Variants in MCTP1 observed in about 807,000 individuals in gnomAD.
MCTP1 encodes the protein multiple C2 and transmembrane domain-containing protein 1.
In MCTP1, 69 loss-of-function variants were observed where a neutral mutation model predicts 120.6. The ratio of observed to expected loss-of-function variants is 0.57; its 90% CI spans 0.47 to 0.70. The LOEUF (loss-of-function observed/expected upper bound fraction) is 0.70. Among genes scored for constraint, MCTP1 ranks in the 30% least tolerant of loss-of-function variants. The pLI, the probability that MCTP1 is intolerant of heterozygous loss-of-function variation, is 0.00. For synonymous variants in MCTP1, 529 were observed against 493.1 expected (o/e 1.07, Z -0.96); for missense variants, 1,203 against 1,248.8 (o/e 0.96, Z 0.55).
chr5:95,185,223 C>T (rs1749073962), intron 1 of MCTP1, among the ~76,000 whole-genome samples: 1 of 149,464 alleles, frequency 6.7e-6, no homozygotes, highest in Admixed American at 6.8e-5. Flanking sequence ...GATACCAAAA[C>T]CTAACAAAGA....
intron 1 of MCTP1, among the ~76,000 whole-genome samples, chr5:95,020,505 T>G (rs1392666399): frequency 6.6e-6 from 1 of 152,082 alleles, no homozygotes; most frequent in Non-Finnish European, 1.5e-5. Context: ...TAGAACAGTT[T>G]CTCTACCAAA....
rs146931097 is a variant in MCTP1, at chr5:94,960,520, A to G, written c.839-7159T>C. On this transcript the variant is annotated intron_variant, in intron 2 of 22. Transcript: ENST00000515393. ...GGGAGAAAATTTTTGCAATCTATCC[A>G]TCTGACAAAGGGCTAATATCCAGAA... Among the ~76,000 whole-genome samples the G allele has an allele frequency of 2.3e-3, 344 of 152,298 alleles. 1 individual carries two copies. Among genetic ancestry groups the G allele is most frequent in the African/African-American group, 7.5e-3 (311 of 41,572 alleles).
At chr5:95,251,112 A>G (rs1324877618) in intron 1 of MCTP1, among the ~76,000 whole-genome samples, 1 of 152,182 alleles carries the variant, frequency 6.6e-6, no homozygotes, top group Non-Finnish European at 1.5e-5. Context: ...GACAAGTGCT[A>G]TAAAACAGCA....
intron 17 of MCTP1, chr5:94,826,352 G>A (rs1787059222): frequency 1.8e-6 from 1 of 565,042 alleles, no homozygotes; most frequent in Non-Finnish European, 3.3e-6. Context: ...CTGAGGATTT[G>A]ATGAAGGCAA....
chr5:95,048,709 T>G (rs1181658599), intron 1 of MCTP1, among the ~76,000 whole-genome samples: 1 of 152,202 alleles, frequency 6.6e-6, no homozygotes, highest in African/African-American at 2.4e-5. Flanking sequence ...GACTCGATTC[T>G]GAGTTTCCTT....
At chr5:95,004,438 G>C (rs545642931) in intron 2 of MCTP1, among the ~76,000 whole-genome samples, 13 of 152,166 alleles carry the variant, frequency 8.5e-5, no homozygotes, top group Non-Finnish European at 1.5e-4. Context: ...TGCTGACAAT[G>C]GAAGAAAATA....
chr5:94,754,751 AC>A (rs1769354482), intron 19 of MCTP1, among the ~76,000 whole-genome samples: 1 of 152,188 alleles, frequency 6.6e-6, no homozygotes, highest in African/African-American at 2.4e-5. Flanking sequence ...GTAAAGGTCC[AC>A]AGTAACACAA....
In MCTP1 at chr5:94,888,918, C is replaced by T. The variant is rs373252773; in HGVS notation, c.1894G>A (p.Val632Ile). 6.2e-7 allele frequency: 1 copy of T among 1,613,894 alleles called. No homozygotes were observed. The highest frequency in any genetic ancestry group is 1.3e-5 in the African/African-American group (1 of 74,908). The change falls in exon 12 of 23, where the codon GTC becomes ATC. Residue 632 changes from valine to isoleucine, a missense_variant. Physicochemically the swap from Val to Ile is conservative, Grantham distance 29. Transcript: ENST00000515393. Reference sequence around the variant, plus strand: ...GCCATTAACCCTTCCGCTCTGATGACTTTCACCTGGAGAAATCCCACATCT... The same window carrying T: ...GCCATTAACCCTTCCGCTCTGATGATTTTCACCTGGAGAAATCCCACATCT... ...LKDVGFLQVK[V>I]IRAEGLMAAD... is the part of the protein sequence containing the mutation.
intron 1 of MCTP1, among the ~76,000 whole-genome samples, chr5:95,103,486 G>A (rs1220764772): frequency 2.6e-5 from 4 of 152,170 alleles, no homozygotes; most frequent in African/African-American, 4.8e-5. Flanking sequence ...GAAAATAGCA[G>A]AGCCACATCA....
intron 6 of MCTP1, among the ~76,000 whole-genome samples, chr5:94,927,636 T>G (rs1337843862): frequency 6.6e-6 from 1 of 152,200 alleles, no homozygotes; most frequent in African/African-American, 2.4e-5. Flanking sequence ...TAATGACTTT[T>G]TTTCATCATG....
chr5:95,264,970 A>G (rs908356948), intron 1 of MCTP1, among the ~76,000 whole-genome samples: 10 of 152,140 alleles, frequency 6.6e-5, no homozygotes, highest in Non-Finnish European at 1.2e-4. Flanking sequence ...GGTGTGACCA[A>G]TACACTCTCC....
chr5:95,263,072 T>C (rs896713188), intron 1 of MCTP1, among the ~76,000 whole-genome samples: 3 of 152,210 alleles, frequency 2.0e-5, no homozygotes, highest in Admixed American at 6.5e-5. Flanking sequence ...ACATTATCTA[T>C]GCAGTGCAAG....
intron 8 of MCTP1, among the ~76,000 whole-genome samples, 179 bp from the exon 9 acceptor site, chr5:94,913,155 TATC>T (rs1809207582): frequency 6.6e-6 from 1 of 152,020 alleles, no homozygotes; most frequent in Non-Finnish European, 1.5e-5. Context: ...ATTATGAAAT[TATC>T]ATTTCATGAT....
At chr5:95,198,770 T>C (rs1325765188) in intron 1 of MCTP1, among the ~76,000 whole-genome samples, 1 of 152,136 alleles carries the variant, frequency 6.6e-6, no homozygotes, top group Non-Finnish European at 1.5e-5. Flanking sequence ...AAAATGGGTG[T>C]TTAATAACTA....
chr5:94,966,122 C>T (rs1187346643), intron 2 of MCTP1, among the ~76,000 whole-genome samples: 2 of 152,144 alleles, frequency 1.3e-5, no homozygotes, highest in African/African-American at 4.8e-5. Flanking sequence ...ATCTACATTG[C>T]AGGTGAGGAA....
intron 1 of MCTP1, among the ~76,000 whole-genome samples, chr5:95,146,904 G>A (rs1760440444): frequency 6.6e-6 from 1 of 152,078 alleles, no homozygotes; most frequent in Non-Finnish European, 1.5e-5. Context: ...AGTTGGTCAA[G>A]TGTAGAGTTT....
At chr5:94,828,628 G>A (rs1175208504) in intron 17 of MCTP1, among the ~76,000 whole-genome samples, 1 of 152,224 alleles carries the variant, frequency 6.6e-6, no homozygotes, top group Non-Finnish European at 1.5e-5. Flanking sequence ...TAGGGCTGGT[G>A]CCTTTCTTTC....
chr5:95,067,926 A>T (rs1751101003), intron 1 of MCTP1, among the ~76,000 whole-genome samples: 1 of 152,174 alleles, frequency 6.6e-6, no homozygotes, highest in African/African-American at 2.4e-5. Context: ...CTTTTCATCA[A>T]CATCGACCCT....
At chr5:95,248,569 A>G (rs776521598) in intron 1 of MCTP1, among the ~76,000 whole-genome samples, 8 of 152,200 alleles carry the variant, frequency 5.3e-5, no homozygotes, top group Non-Finnish European at 1.0e-4. Context: ...AGGAAGAATC[A>G]ATATCGTAAA....
Sources: gnomAD v4.1 joint callset for allele counts (sites outside exome capture counted in the v4.1 genomes callset) on GRCh38, gnomAD v4.1.1 for gene constraint, MANE v1.5 for transcripts, NCBI Gene and HGNC (gene_info 2026-07-23, HGNC 2026-07-21) for gene names.